The following PPP2R2C variants were observed in gnomAD, a reference collection of about 807,000 sequenced individuals.
The protein encoded by PPP2R2C is protein phosphatase 2, regulatory subunit B, gamma.
In PPP2R2C, 10 loss-of-function variants were observed where a neutral mutation model predicts 45.3. That is an observed-to-expected ratio of 0.22 (90% CI 0.14 to 0.37). The LOEUF is 0.37. Among genes scored for constraint, PPP2R2C ranks in the 10% least tolerant of loss-of-function variants. The pLI, the probability that PPP2R2C is intolerant of heterozygous loss-of-function variation, is 1.00. For missense variants in PPP2R2C, 308 were observed against 619.7 expected, an observed-to-expected ratio of 0.50 and a Z score of 5.34; for synonymous variants, 257 against 245.4, an observed-to-expected ratio of 1.05 and a Z score of -0.44.
At chr4:6,398,176 C>T (rs529708125) in intron 1 of PPP2R2C, among the ~76,000 whole-genome samples, 1 of 152,282 alleles carries the variant, frequency 6.6e-6, no homozygotes, top group East Asian at 1.9e-4. Context: ...TTCTAGGAGA[C>T]ATTATAGAAG....
In PPP2R2C at chr4:6,331,108, C is replaced by A. The variant is rs1560446519; in HGVS notation, c.961-1755G>T. ...TGGCAGCAGGTTTTAGTGTTCGTGTCCCACCCCCGGCTCTGCATTTTTGTG... is the reference window on the plus strand; with the variant it reads ...TGGCAGCAGGTTTTAGTGTTCGTGTACCACCCCCGGCTCTGCATTTTTGTG... On this transcript the variant is annotated intron_variant, in intron 7 of 8. Transcript: ENST00000382599. This position sits in a 1 kb window ranked among gnomAD's most constrained non-coding sequence, Gnocchi z 5.9. 6.6e-6 allele frequency among the ~76,000 whole-genome samples: 1 copy of A among 152,258 alleles called. No homozygotes were observed. The highest frequency in any genetic ancestry group is 2.1e-4 in the South Asian group (1 of 4,820).
intron 6 of PPP2R2C, among the ~76,000 whole-genome samples, chr4:6,334,205 A>T (rs891352344): frequency 1.3e-5 from 2 of 152,196 alleles, no homozygotes; most frequent in Admixed American, 1.3e-4. Context: ...ATCTCTGTTC[A>T]TGGTGTCCTG....
At chr4:6,417,159 G>GC (rs1249965876) in intron 1 of PPP2R2C, among the ~76,000 whole-genome samples, 1 of 152,196 alleles carries the variant, frequency 6.6e-6, no homozygotes, top group Non-Finnish European at 1.5e-5. Context: ...CACGGGTCCA[G>GC]CCCCTGGGCG....
In PPP2R2C at chr4:6,472,299, C is replaced by G. The variant is rs1428976025; in HGVS notation, c.-70G>C. Reference sequence around the variant, plus strand: ...CCGATGCAATCCGCAGAGGTCGCGCCGGGCGCGCGGGCCATGCCGCCGCAG... The same window carrying G: ...CCGATGCAATCCGCAGAGGTCGCGCGGGGCGCGCGGGCCATGCCGCCGCAG... On this transcript the variant is annotated 5_prime_UTR_variant, in exon 1 of 9. Transcript: ENST00000382599. 3.1e-6 allele frequency: 5 copies of G among 1,588,258 alleles called. No individual in the cohort carries two copies. In the East Asian group the frequency reaches 6.9e-5, roughly 22 times the overall value.
intron 2 of PPP2R2C, among the ~76,000 whole-genome samples, chr4:6,482,450 G>A (rs1235942511): frequency 6.6e-6 from 1 of 152,086 alleles, no homozygotes; most frequent in East Asian, 1.9e-4. Flanking sequence ...CCTCCGAAAG[G>A]GCTGGTACAT....
chr4:6,375,188 T>G (rs1577122631), intron 4 of PPP2R2C, among the ~76,000 whole-genome samples: 1 of 152,322 alleles, frequency 6.6e-6, no homozygotes, highest in East Asian at 1.9e-4. Flanking sequence ...GGCTGCCCAC[T>G]TCCTCAGAAT....
At position 6,375,821 on chromosome 4, in the gene PPP2R2C, G is replaced by C. The variant is rs752487442; in HGVS notation, c.445C>G (p.Gln149Glu). The C allele has an allele frequency of 6.2e-7, 1 of 1,610,852 alleles. No homozygotes were observed. Among genetic ancestry groups the C allele is most frequent in the South Asian group, 1.1e-5 (1 of 90,730 alleles). The change falls in exon 4 of 9, where the codon CAG (glutamine) becomes GAG (glutamate). Residue 149 changes from glutamine to glutamate, a missense_variant and splice_region_variant. Coordinates refer to ENST00000382599, the MANE Select transcript of PPP2R2C (RefSeq NM_020416.4). ...GCTTCCCCCTCACCGGAGCTCACCT[G>C]CAGTGACGTCACCGTGGACAGGTCC... ...LKDLSTVTSL[Q>E]VPVLKPMDLM...
Position 6,329,171 on chromosome 4 carries a change from G to T in PPP2R2C, c.1052+91C>A. ...ACCCATTGAGGCTGAGTAGCCCCAT[G>T]CTGCGGGTCACCGGAATCCCAGCCC... On this transcript the variant is annotated intron_variant, in intron 8 of 8. Transcript: ENST00000382599. This position sits in a 1 kb window ranked among gnomAD's most constrained non-coding sequence, Gnocchi z 5.8. The T allele has an allele frequency of 8.0e-7, 1 of 1,245,302 alleles. No individual in the cohort carries two copies. Among genetic ancestry groups the T allele is most frequent in the Non-Finnish European group, 1.2e-6 (1 of 865,230 alleles). The allele number at this position is 1,245,302 out of a possible 1,614,324, so 77.1% of individuals were successfully genotyped here. A position where few individuals can be genotyped will look rare whatever the true frequency, so the allele number is the denominator to read the frequency against.
At chr4:6,366,570 GGGCAGCCAAGGAGCCGCA>G (rs1242742617) in intron 5 of PPP2R2C, among the ~76,000 whole-genome samples, 1 of 152,306 alleles carries the variant, frequency 6.6e-6, no homozygotes, top group African/African-American at 2.4e-5. Flanking sequence ...GTGTGACCGG[GGGCAGCCAAGGAGCCGCA>G]GGCTTAGAGG....
intron 2 of PPP2R2C, among the ~76,000 whole-genome samples, chr4:6,481,925 G>C (rs979817729): frequency 3.7e-5 from 5 of 136,082 alleles, no homozygotes; most frequent in East Asian, 4.3e-4. Context: ...GCTGCAGTGA[G>C]CCGAGATCGC....
At chr4:6,532,605 A>G (rs1436707287) in intron 2 of PPP2R2C, among the ~76,000 whole-genome samples, 1 of 152,236 alleles carries the variant, frequency 6.6e-6, no homozygotes, top group Non-Finnish European at 1.5e-5. Flanking sequence ...AAAAGGCAAA[A>G]TAAAGACACT....
chr4:6,378,392 CG>C lies in PPP2R2C; in HGVS notation c.334+14del. On this transcript the variant is annotated intron_variant, in intron 3 of 8. Transcript: ENST00000382599. This position sits in a 1 kb window ranked among gnomAD's most constrained non-coding sequence, Gnocchi z 5.2. The stretch of plus-strand genomic sequence containing the variant: ...CGGCCTGTGCCCATGCAAGCGAGGC[CG>C]GGCAGCGCCTCACCGTTGGTGGACA... The C allele has an allele frequency of 3.1e-6, 5 of 1,614,058 alleles. No individual in the cohort carries two copies. The highest frequency in any genetic ancestry group is 4.2e-6 in the Non-Finnish European group (5 of 1,180,026).
intron 2 of PPP2R2C, among the ~76,000 whole-genome samples, chr4:6,480,573 T>C (rs1404998982): frequency 6.6e-6 from 1 of 152,150 alleles, no homozygotes; most frequent in African/African-American, 2.4e-5. Flanking sequence ...ACCCACATAA[T>C]ATTTAGGTTG....
chr4:6,449,689 G>A (rs1403072321), intron 1 of PPP2R2C, among the ~76,000 whole-genome samples: 5 of 152,176 alleles, frequency 3.3e-5, no homozygotes, highest in Admixed American at 6.5e-5. Context: ...GGCAGTCCAC[G>A]GGCCCCTGCC....
Position 6,331,778 on chromosome 4 carries a change from C to T in PPP2R2C, c.960+1784G>A, listed in dbSNP as rs972631332. Among the ~76,000 whole-genome samples the T allele has an allele frequency of 2.8e-4, 42 of 152,124 alleles. No individual in the cohort carries two copies. The highest frequency in any genetic ancestry group is 9.2e-4 in the African/African-American group (38 of 41,430). ...ACAGAAGGAACCACTGTGGCGCTGCCGGGGTCATGGAGCCCCCCCACCTTC... is the reference window on the plus strand; with the variant it reads ...ACAGAAGGAACCACTGTGGCGCTGCTGGGGTCATGGAGCCCCCCCACCTTC... On this transcript the variant is annotated intron_variant, in intron 7 of 8. Coordinates refer to ENST00000382599, the MANE Select transcript of PPP2R2C (RefSeq NM_020416.4). This position sits in a 1 kb window ranked among gnomAD's most constrained non-coding sequence, Gnocchi z 5.9.
chr4:6,429,546 CAGAG>C (rs1265637809), intron 1 of PPP2R2C, among the ~76,000 whole-genome samples: 1 of 152,168 alleles, frequency 6.6e-6, no homozygotes, highest in Non-Finnish European at 1.5e-5. Flanking sequence ...GGGATGATCT[CAGAG>C]AGGCGGTGGT....
chr4:6,535,868 G>A (rs1333532595), intron 1 of PPP2R2C, among the ~76,000 whole-genome samples: 1 of 152,234 alleles, frequency 6.6e-6, no homozygotes, highest in African/African-American at 2.4e-5. Flanking sequence ...TGGCCACTGA[G>A]GTCCCACTGT....
intron 1 of PPP2R2C, among the ~76,000 whole-genome samples, chr4:6,416,830 C>A (rs1345332786): frequency 6.6e-6 from 1 of 152,188 alleles, no homozygotes; most frequent in Non-Finnish European, 1.5e-5. Context: ...CTGCTGGGCT[C>A]CCTGTGTGTG....
At chr4:6,549,164 T>G (rs1725095413) in intron 1 of PPP2R2C, among the ~76,000 whole-genome samples, 1 of 152,106 alleles carries the variant, frequency 6.6e-6, no homozygotes, top group South Asian at 2.1e-4. Context: ...GCCTCCAAAG[T>G]CATCCCCTGG....
Sources: gnomAD v4.1 joint callset for allele counts (sites outside exome capture counted in the v4.1 genomes callset) on GRCh38, gnomAD v4.1.1 for gene constraint, Gnocchi (gnomAD v3.1) non-coding constraint, MANE v1.5 for transcripts, NCBI Gene and HGNC (gene_info 2026-07-23, HGNC 2026-07-21) for gene names.